DEUP1: variants seen among roughly 807,000 people sequenced by gnomAD.
DEUP1 encodes coiled-coil domain containing 67.
A neutral mutation model predicts 87.4 loss-of-function variants in DEUP1; 82 were observed. The ratio of observed to expected loss-of-function variants is 0.94; its 90% CI spans 0.78 to 1.13. The LOEUF is 1.13. DEUP1 is among the 50% of genes most tolerant of loss of function. The pLI, the probability that DEUP1 is intolerant of heterozygous loss-of-function variation, is 0.00. For synonymous variants in DEUP1, 214 were observed against 222.7 expected, an observed-to-expected ratio of 0.96 and a Z score of 0.35; for missense variants, 663 against 681.5, an observed-to-expected ratio of 0.97 and a Z score of 0.30.
chr11:93,340,710 A>G (rs939858202), intron 2 of DEUP1, among the ~76,000 whole-genome samples: 1 of 152,202 alleles, frequency 6.6e-6, no homozygotes, highest in African/African-American at 2.4e-5. Flanking sequence ...ATAGCTGACA[A>G]TGTTATAGAT....
chr11:93,403,247 T>C (rs1007829691), intron 11 of DEUP1, among the ~76,000 whole-genome samples: 2 of 151,956 alleles, frequency 1.3e-5, no homozygotes, highest in African/African-American at 2.4e-5. Context: ...GAGAACTTTA[T>C]GAGTTGTTTA....
In DEUP1 at chr11:93,416,010, A is replaced by T. The variant is rs1419244761; in HGVS notation, c.1638+896A>T. ...ATATACATTTCCACTGGGTATGCAT[A>T]CCTAAAATGGAATACCGAGGTCATA... On this transcript the variant is annotated intron_variant, in intron 13 of 13. Coordinates refer to ENST00000298050, the MANE Select transcript of DEUP1 (RefSeq NM_181645.4). Among the ~76,000 whole-genome samples, 3 of 152,136 alleles carry T rather than the reference A, an allele frequency of 2.0e-5. No homozygotes were observed. In the East Asian group the frequency reaches 5.8e-4, roughly 29 times the overall value.
chr11:93,341,372 G>A (rs1944065749), intron 2 of DEUP1, among the ~76,000 whole-genome samples: 1 of 152,146 alleles, frequency 6.6e-6, no homozygotes, highest in Non-Finnish European at 1.5e-5. Flanking sequence ...CCTCCGTCAT[G>A]TAAGAAGTGC....
At chr11:93,380,029 T>C (rs1946225954) in intron 7 of DEUP1, among the ~76,000 whole-genome samples, 1 of 152,140 alleles carries the variant, frequency 6.6e-6, no homozygotes, top group South Asian at 2.1e-4. Context: ...GATTTTTCCT[T>C]CCACGTGATA....
At chr11:93,368,752 T>A (rs545383004) in intron 5 of DEUP1, among the ~76,000 whole-genome samples, 1 of 151,996 alleles carries the variant, frequency 6.6e-6, no homozygotes, top group East Asian at 1.9e-4. Flanking sequence ...CTGACCAACA[T>A]GGTGAAATGC....
At chr11:93,399,518 T>A (rs1285590047) in intron 11 of DEUP1, among the ~76,000 whole-genome samples, 3 of 151,906 alleles carry the variant, frequency 2.0e-5, no homozygotes, top group African/African-American at 7.2e-5. Flanking sequence ...CCTTTTCTTT[T>A]AAAATGTATT....
At position 93,370,200 on chromosome 11, in the gene DEUP1, T is replaced by C. The variant is rs1322567837; in HGVS notation, c.546+14T>C. The C allele has an allele frequency of 5.6e-6, 7 of 1,258,886 alleles. No homozygotes were observed. The highest frequency in any genetic ancestry group is 6.8e-6 in the Non-Finnish European group (6 of 876,926). 78.0% of individuals were successfully genotyped at this position (1,258,886 alleles called of 1,614,324 possible). A position where few individuals can be genotyped will look rare whatever the true frequency, so the allele number is the denominator to read the frequency against. On this transcript the variant is annotated intron_variant, in intron 6 of 13. Transcript: ENST00000298050. ...AATCAGTTTCAGGTAAGTTATCTAA[T>C]ACTATTCTCTAAATCAAAAGCAGAA...
chr11:93,374,823 G>A (rs1197282588), intron 7 of DEUP1, among the ~76,000 whole-genome samples: 3 of 152,090 alleles, frequency 2.0e-5, no homozygotes, highest in African/African-American at 7.2e-5. Flanking sequence ...GAATTATGGT[G>A]GTATTTTGAT....
chr11:93,348,697 G>C (rs1318936156), intron 2 of DEUP1, among the ~76,000 whole-genome samples: 1 of 152,112 alleles, frequency 6.6e-6, no homozygotes, highest in Admixed American at 6.6e-5. Flanking sequence ...CCACAAACTT[G>C]TTTCTGCACC....
chr11:93,427,539 C>A (rs1947961427), intron 13 of DEUP1, among the ~76,000 whole-genome samples: 1 of 151,604 alleles, frequency 6.6e-6, no homozygotes, highest in African/African-American at 2.4e-5. Flanking sequence ...AAAACCTAGG[C>A]AATACCATTC....
At chr11:93,400,040 G>T (rs1481804335) in intron 11 of DEUP1, among the ~76,000 whole-genome samples, 2 of 152,028 alleles carry the variant, frequency 1.3e-5, no homozygotes, top group Non-Finnish European at 2.9e-5. Flanking sequence ...TGCCTTTTTA[G>T]GAAATATGAT....
rs938875688 is a variant in DEUP1, at chr11:93,336,028, A to G, written c.29+3740A>G. Among the ~76,000 whole-genome samples the G allele has an allele frequency of 5.3e-5, 8 of 152,250 alleles. No homozygotes were observed. In the South Asian group the frequency reaches 6.2e-4, roughly 12 times the overall value. On this transcript the variant is annotated intron_variant, in intron 2 of 13. Transcript: ENST00000298050. ...CTCAGGAGGCTGAGGCAGGAGAATC[A>G]TTTGAACCCGGGAGGCGGAAGTTGC...
chr11:93,428,646 G>C (rs1948009298), intron 13 of DEUP1, among the ~76,000 whole-genome samples: 1 of 151,994 alleles, frequency 6.6e-6, no homozygotes, highest in Admixed American at 6.6e-5. Context: ...CATGTTTTAA[G>C]TGTACAATTC....
At chr11:93,331,181 GTC>G (rs1943457825) in intron 1 of DEUP1, among the ~76,000 whole-genome samples, 1 of 152,178 alleles carries the variant, frequency 6.6e-6, no homozygotes, top group African/African-American at 2.4e-5. Flanking sequence ...TAATTCCAGG[GTC>G]TCTCTTAAAA....
intron 13 of DEUP1, among the ~76,000 whole-genome samples, chr11:93,430,120 A>G (rs1458919740): frequency 6.6e-6 from 1 of 152,060 alleles, no homozygotes; most frequent in African/African-American, 2.4e-5. Context: ...CTATGACACT[A>G]TACTCCGCTG....
At chr11:93,419,266 C>CT (rs1290428436) in intron 13 of DEUP1, among the ~76,000 whole-genome samples, 1 of 151,786 alleles carries the variant, frequency 6.6e-6, no homozygotes, top group African/African-American at 2.4e-5. Context: ...AGACCCAAGG[C>CT]TTATACAGCT....
intron 5 of DEUP1, 41 bp downstream of exon 5, chr11:93,364,335 T>C (rs1367971769): frequency 1.3e-6 from 2 of 1,551,504 alleles, no homozygotes; most frequent in Admixed American, 1.7e-5. Flanking sequence ...GTATTAAAGA[T>C]TGATTCCTAT....
intron 11 of DEUP1, among the ~76,000 whole-genome samples, chr11:93,403,825 ATTCT>A (rs1042436001): frequency 1.8e-4 from 28 of 151,924 alleles, no homozygotes; most frequent in African/African-American, 6.8e-4. Context: ...TAATTAGTTA[ATTCT>A]TTCTGAAATA....
intron 2 of DEUP1, among the ~76,000 whole-genome samples, chr11:93,338,428 GC>G (rs1943888423): frequency 6.7e-6 from 1 of 148,928 alleles, no homozygotes; most frequent in Non-Finnish European, 1.5e-5. Context: ...TTTTCCTGAG[GC>G]AGGGTCTTGC....
Sources: allele counts gnomAD v4.1 joint callset (sites outside exome capture counted in the v4.1 genomes callset), GRCh38; gene constraint gnomAD v4.1.1; transcripts MANE v1.5; gene names NCBI Gene and HGNC (gene_info 2026-07-23, HGNC 2026-07-21).